CIMIP6: variants seen among roughly 807,000 people sequenced by gnomAD.
The protein encoded by CIMIP6 is ciliary microtubule inner protein 6, also known as uncharacterized protein C2orf73.
At chr2:54,331,436 G>A in the CIMIP6 span, among the ~76,000 whole-genome samples, 1 of 152,020 alleles carries the variant, frequency 6.6e-6, no homozygotes, top group African/African-American at 2.4e-5. Context: ...CGACACAGCA[G>A]TCAGAGCTAT....
the CIMIP6 span, among the ~76,000 whole-genome samples, chr2:54,346,252 C>T: frequency 6.6e-6 from 1 of 152,016 alleles, no homozygotes; most frequent in African/African-American, 2.4e-5. Flanking sequence ...AGTAAGTGCA[C>T]AACTGATAGA....
At chr2:54,378,787 C>T in the CIMIP6 span, among the ~76,000 whole-genome samples, 1 of 152,204 alleles carries the variant, frequency 6.6e-6, no homozygotes, top group Admixed American at 6.5e-5. Context: ...AGCTCGGTTC[C>T]CAAAAGCTCA....
At chr2:54,343,791 G>A in the CIMIP6 span, 4 of 1,612,972 alleles carry the variant, frequency 2.5e-6, no homozygotes, top group Non-Finnish European at 3.4e-6. Context: ...AGAGCACCCA[G>A]AGGAGTGACT....
chr2:54,370,537 C>G, the CIMIP6 span, among the ~76,000 whole-genome samples: 1 of 152,122 alleles, frequency 6.6e-6, no homozygotes, highest in Non-Finnish European at 1.5e-5. Context: ...CCAGAGTTCT[C>G]TCAAGAGTCT....
At chr2:54,345,906 A>C in the CIMIP6 span, among the ~76,000 whole-genome samples, 1 of 152,228 alleles carries the variant, frequency 6.6e-6, no homozygotes. Context: ...CCATCTAAGA[A>C]ATAAGTATCA....
the CIMIP6 span, among the ~76,000 whole-genome samples, chr2:54,366,147 T>G: frequency 8.5e-5 from 13 of 152,306 alleles, no homozygotes; most frequent in South Asian, 2.1e-4. Flanking sequence ...CAGCTTCCCT[T>G]GTAGCTGGGT....
the CIMIP6 span, among the ~76,000 whole-genome samples, chr2:54,344,206 G>T: frequency 6.6e-6 from 1 of 152,202 alleles, no homozygotes. Flanking sequence ...GGTAGCTGAT[G>T]AAGAGGGCTA....
the CIMIP6 span, among the ~76,000 whole-genome samples, chr2:54,356,276 A>C: frequency 7.9e-5 from 12 of 152,206 alleles, no homozygotes; most frequent in Non-Finnish European, 1.2e-4. Flanking sequence ...CATTTTCATC[A>C]GCTCGTTATC....
chr2:54,359,978 C>G, the CIMIP6 span, among the ~76,000 whole-genome samples: 1 of 152,140 alleles, frequency 6.6e-6, no homozygotes, highest in South Asian at 2.1e-4. Context: ...GACATTCTGC[C>G]TTTTTCCTTC....
the CIMIP6 span, among the ~76,000 whole-genome samples, chr2:54,373,251 G>A: frequency 6.6e-6 from 1 of 152,032 alleles, no homozygotes; most frequent in African/African-American, 2.4e-5. Context: ...CAAGCCCAGC[G>A]CTGGCTGCTC....
the CIMIP6 span, among the ~76,000 whole-genome samples, chr2:54,370,796 C>T: frequency 1.2e-3 from 179 of 152,318 alleles, 1 homozygote; most frequent in African/African-American, 4.1e-3. Flanking sequence ...TCCTGAACTT[C>T]CTGGAAGTCT....
the CIMIP6 span, chr2:54,334,771 T>C: frequency 7.7e-7 from 1 of 1,294,332 alleles, no homozygotes. Flanking sequence ...TGACTCAATA[T>C]TTTAATGGTT....
the CIMIP6 span, chr2:54,381,946 G>C: frequency 1.3e-6 from 2 of 1,548,842 alleles, no homozygotes; most frequent in Non-Finnish European, 1.7e-6. Flanking sequence ...TTTTTAGGTG[G>C]TTTCATGCCA....
the CIMIP6 span, among the ~76,000 whole-genome samples, chr2:54,353,377 C>T: frequency 3.7e-3 from 570 of 152,102 alleles, 1 homozygote; most frequent in Middle Eastern, 0.01. Flanking sequence ...TCTATAAAGA[C>T]GAACCCTGCA....
the CIMIP6 span, among the ~76,000 whole-genome samples, chr2:54,350,485 C>T: frequency 2.6e-5 from 4 of 152,300 alleles, no homozygotes; most frequent in South Asian, 2.1e-4. Flanking sequence ...GGTCACTCCA[C>T]GTGGTTTCTC....
chr2:54,355,907 T>C, the CIMIP6 span, among the ~76,000 whole-genome samples: 4 of 152,164 alleles, frequency 2.6e-5, no homozygotes, highest in African/African-American at 9.7e-5. Flanking sequence ...AAATTTTCTT[T>C]TATGGTCAAA....
At chr2:54,345,024 A>C in the CIMIP6 span, among the ~76,000 whole-genome samples, 2 of 152,202 alleles carry the variant, frequency 1.3e-5, no homozygotes, top group Admixed American at 1.3e-4. Flanking sequence ...CATGAACTCT[A>C]TGCAATATAA....
chr2:54,373,129 G>A, the CIMIP6 span, among the ~76,000 whole-genome samples: 2 of 152,076 alleles, frequency 1.3e-5, no homozygotes, highest in African/African-American at 4.8e-5. Flanking sequence ...AGATGCACCT[G>A]AGTAGTATCC....
At chr2:54,330,893 G>A in the CIMIP6 span, 1 of 1,404,988 alleles carries the variant, frequency 7.1e-7, no homozygotes, top group Non-Finnish European at 1.0e-6. Flanking sequence ...CACAGTCGCC[G>A]CGCTTTGCGC....
Sources: allele counts gnomAD v4.1 joint callset (sites outside exome capture counted in the v4.1 genomes callset), GRCh38; gene constraint gnomAD v4.1.1; transcripts MANE v1.5; gene names NCBI Gene and HGNC (gene_info 2026-07-23, HGNC 2026-07-21).